Variants in RGS5 observed in about 807,000 individuals in gnomAD.
RGS5 encodes the protein regulator of G protein signaling 5.
RGS5 carries 20 observed loss-of-function variants against 18.9 expected under a neutral mutation model. The ratio of observed to expected loss-of-function variants is 1.06; its 90% confidence interval spans 0.74 to 1.54. The LOEUF (loss-of-function observed/expected upper bound fraction) is 1.54, where lower values mean the gene tolerates loss of function less well. RGS5 is among the 40% of genes most tolerant of loss of function. RGS5 has a pLI of 0.00. For synonymous variants in RGS5, 57 were observed against 76.2 expected (o/e 0.75, Z 1.31); for missense variants, 201 against 211.8 (o/e 0.95, Z 0.32).
rs59181379 is a variant in RGS5 at position 163,270,352 on chromosome 1, GAAAA to G, written c.-281+35877_-281+35880del. ...CATAGGCAGAACTCATCTCTATTGAGAAAAAAAAAAAAAAAAAAAAAGCCAGGCC... is the reference window on the plus strand; with the variant it reads ...CATAGGCAGAACTCATCTCTATTGAGAAAAAAAAAAAAAAAAAGCCAGGCC... On this transcript the variant is annotated intron_variant, in intron 2 of 5. Coordinates refer to the RGS5 transcript ENST00000618415. Among the ~76,000 whole-genome samples the G allele has an allele frequency of 1.5e-3, 145 of 94,708 alleles. 1 individual carries two copies. Among genetic ancestry groups the G allele is most frequent in the Non-Finnish European group, 2.1e-3 (108 of 51,128 alleles). 62.1% of individuals were successfully genotyped at this position (94,708 alleles called of 152,430 possible).
chr1:163,210,241 C>T (rs1412203144), intron 1 of RGS5, among the ~76,000 whole-genome samples: 6 of 152,110 alleles, frequency 3.9e-5, no homozygotes, highest in Admixed American at 1.3e-4. Context: ...TCAAGCAATC[C>T]GCTTGCCTTG....
At chr1:163,166,278 G>A (rs1658044084) in intron 2 of RGS5, among the ~76,000 whole-genome samples, 1 of 151,322 alleles carries the variant, frequency 6.6e-6, no homozygotes, top group Admixed American at 6.6e-5. Flanking sequence ...TTTTCTCAAT[G>A]GTCCATTTTT....
chr1:163,197,748 T>G (rs1449034129), intron 1 of RGS5, among the ~76,000 whole-genome samples: 1 of 152,184 alleles, frequency 6.6e-6, no homozygotes, highest in Non-Finnish European at 1.5e-5. Flanking sequence ...CTCTAGAATA[T>G]CAGGTATAGT....
chr1:163,317,827 A>C (rs941504691), intron 1 of RGS5, among the ~76,000 whole-genome samples: 2 of 150,844 alleles, frequency 1.3e-5, no homozygotes, highest in Admixed American at 6.6e-5. Flanking sequence ...TCAAGCATGG[A>C]GCCAATAAGA....
At chr1:163,271,620 G>A (rs897991470) in intron 2 of RGS5, among the ~76,000 whole-genome samples, 6 of 152,124 alleles carry the variant, frequency 3.9e-5, no homozygotes, top group Admixed American at 2.0e-4. Flanking sequence ...TGTAGCATGT[G>A]TCACTCTTTT....
intron 3 of RGS5, among the ~76,000 whole-genome samples, chr1:163,158,943 G>C (rs1657693106): frequency 6.6e-6 from 1 of 152,140 alleles, no homozygotes; most frequent in Non-Finnish European, 1.5e-5. Context: ...TCCCAAAGCG[G>C]CCATTTCAGA....
intron 2 of RGS5, among the ~76,000 whole-genome samples, chr1:163,290,653 CAA>C (rs66595263): frequency 0.084 from 10,865 of 128,586 alleles, 431 homozygotes; most frequent in African/African-American, 0.12. Flanking sequence ...CAGCTCATAC[CAA>C]AAAAAAAAAA....
At chr1:163,227,989 G>A (rs1473529343) in intron 2 of RGS5, among the ~76,000 whole-genome samples, 1 of 152,212 alleles carries the variant, frequency 6.6e-6, no homozygotes, top group Non-Finnish European at 1.5e-5. Flanking sequence ...CATCCCTGTG[G>A]CCATGCAAGG....
chr1:163,239,883 C>G (rs1647740276), intron 2 of RGS5, among the ~76,000 whole-genome samples: 1 of 152,110 alleles, frequency 6.6e-6, no homozygotes, highest in Non-Finnish European at 1.5e-5. Context: ...AAAGTGTTAA[C>G]TATCTGGAAG....
At chr1:163,187,588 A>G (rs1048427364) in intron 1 of RGS5, among the ~76,000 whole-genome samples, 7 of 152,058 alleles carry the variant, frequency 4.6e-5, no homozygotes, top group Non-Finnish European at 1.0e-4. Context: ...CGCTTCCATA[A>G]AAACCCAAGA....
At chr1:163,232,078 TG>T (rs1459508304) in intron 2 of RGS5, among the ~76,000 whole-genome samples, 1 of 152,080 alleles carries the variant, frequency 6.6e-6, no homozygotes, top group African/African-American at 2.4e-5. Context: ...AGGACTCCAT[TG>T]CTTTGTTTTG....
chr1:163,161,774 C>T lies in RGS5; in HGVS notation c.217+141G>A, dbSNP rs548534735. 151 of 613,232 alleles carry T rather than the reference C, an allele frequency of 2.5e-4. 1 individual carries two copies. The African/African-American group carries it at 2.5e-3, about 10-fold the overall frequency. 38.0% of individuals were successfully genotyped at this position (613,232 alleles called of 1,614,324 possible). On this transcript the variant is annotated intron_variant, in intron 3 of 4. Coordinates refer to ENST00000313961, the MANE Select transcript of RGS5 (RefSeq NM_003617.4). ...GAACTGGATAATCACATACCTGCAG[C>T]CCCCTTCCCTTATTGATATCACCTT... is the stretch of plus-strand genomic sequence containing the variant.
At chr1:163,180,055 C>T (rs1190024778) in intron 1 of RGS5, among the ~76,000 whole-genome samples, 1 of 152,184 alleles carries the variant, frequency 6.6e-6, no homozygotes, top group Non-Finnish European at 1.5e-5. Context: ...CAGGGTCTCA[C>T]TCTGTCACCC....
intron 4 of RGS5, among the ~76,000 whole-genome samples, chr1:163,147,798 A>T (rs914393550): frequency 0.11 from 13 of 118 alleles, no homozygotes; most frequent in Admixed American, 0.33. Flanking sequence ...TTCCTTTTAT[A>T]GAAAAAAATA....
intron 2 of RGS5, chr1:163,244,760 A>G (rs1403458755): frequency 6.6e-6 from 1 of 152,204 alleles, no homozygotes; most frequent in Non-Finnish European, 1.5e-5. Flanking sequence ...GAATCACAGA[A>G]GTCAGTGTTA....
intron 1 of RGS5, among the ~76,000 whole-genome samples, chr1:163,187,384 C>T (rs1165483933): frequency 6.6e-6 from 1 of 152,094 alleles, no homozygotes; most frequent in African/African-American, 2.4e-5. Flanking sequence ...GTCCACAGTT[C>T]CTGGTTCATA....
intron 1 of RGS5, among the ~76,000 whole-genome samples, chr1:163,171,032 C>T (rs910627157): frequency 3.9e-5 from 6 of 152,088 alleles, no homozygotes; most frequent in Admixed American, 6.6e-5. Flanking sequence ...GCATAGAACA[C>T]GGCTTCTTTA....
chr1:163,310,568 C>T (rs534893794), intron 1 of RGS5, among the ~76,000 whole-genome samples: 1,428 of 138,910 alleles, frequency 0.01, 18 homozygotes, highest in Non-Finnish European at 0.016. Flanking sequence ...GAGCAAGACT[C>T]CGTCTCAAAA....
At chr1:163,218,067 G>A (rs1168169095), upstream of RGS5, among the ~76,000 whole-genome samples, 1 of 151,968 alleles carries the variant, frequency 6.6e-6, no homozygotes, top group Non-Finnish European at 1.5e-5. Context: ...ATATGGCTTT[G>A]CCATATCCTG....
Sources: allele counts gnomAD v4.1 joint callset (sites outside exome capture counted in the v4.1 genomes callset), GRCh38; gene constraint gnomAD v4.1.1; transcripts MANE v1.5; gene names NCBI Gene and HGNC (gene_info 2026-07-23, HGNC 2026-07-21).